Variants in CDH18 observed in about 807,000 individuals in gnomAD.
The protein encoded by CDH18 is cadherin-18.
Under a neutral mutation model 67.9 loss-of-function variants are expected in CDH18, and 31 were observed. That is an observed-to-expected ratio of 0.46 (90% CI 0.34 to 0.62). The LOEUF (loss-of-function observed/expected upper bound fraction) is 0.62, where lower values mean the gene tolerates loss of function less well. CDH18 is among the 20% of genes least tolerant of loss of function. CDH18 has a pLI of 0.01. For missense variants in CDH18, 890 were observed against 975.5 expected (o/e 0.91, Z 1.17); for synonymous variants, 362 against 347.2 (o/e 1.04, Z -0.48).
At chr5:20,501,303 A>G (rs553130533) in intron 1 of CDH18, among the ~76,000 whole-genome samples, 1 of 151,180 alleles carries the variant, frequency 6.6e-6, no homozygotes, top group Admixed American at 6.6e-5. Flanking sequence ...ATGGAACGTT[A>G]TTACACTAAC....
intron 3 of CDH18, among the ~76,000 whole-genome samples, chr5:19,828,053 C>A (rs1161636976): frequency 2.0e-5 from 3 of 151,970 alleles, no homozygotes; most frequent in Non-Finnish European, 4.4e-5. Flanking sequence ...TACCAATGAC[C>A]CCACAGAAAT....
intron 1 of CDH18, among the ~76,000 whole-genome samples, chr5:20,555,725 CAG>C (rs34456074): frequency 0.042 from 6,313 of 151,534 alleles, 419 homozygotes; most frequent in African/African-American, 0.14. Flanking sequence ...ACAACTGAGA[CAG>C]AGTTTCAAAT....
chr5:19,520,552 C>A, intron 10 of CDH18, 105 bp downstream of exon 10: 1 of 973,212 alleles, frequency 1.0e-6, no homozygotes, highest in Non-Finnish European at 1.4e-6. Context: ...CCACTGAGTA[C>A]AAAATTACAC....
At chr5:20,005,962 T>C (rs1323569249) in intron 2 of CDH18, among the ~76,000 whole-genome samples, 1 of 151,990 alleles carries the variant, frequency 6.6e-6, no homozygotes, top group Admixed American at 6.6e-5. Context: ...AGAGATAGAA[T>C]TCCTTATGGG....
At chr5:19,512,037 ACTTGG>A (rs1745209054) in intron 10 of CDH18, among the ~76,000 whole-genome samples, 1 of 152,122 alleles carries the variant, frequency 6.6e-6, no homozygotes, top group Admixed American at 6.5e-5. Flanking sequence ...TTTGTGCAGG[ACTTGG>A]TGCCCTGCAT....
chr5:19,551,148 C>A (rs182553309), intron 8 of CDH18, among the ~76,000 whole-genome samples: 1 of 152,078 alleles, frequency 6.6e-6, no homozygotes, highest in African/African-American at 2.4e-5. Flanking sequence ...AGAGCACAGA[C>A]TTTTAAAGAT....
At chr5:20,096,866 A>G (rs1345949378) in intron 2 of CDH18, among the ~76,000 whole-genome samples, 3 of 152,156 alleles carry the variant, frequency 2.0e-5, no homozygotes, top group Admixed American at 6.6e-5. Flanking sequence ...ACTAATTTAC[A>G]GGTAAATGGT....
At chr5:20,508,638 T>C (rs765291171) in intron 1 of CDH18, among the ~76,000 whole-genome samples, 5 of 151,854 alleles carry the variant, frequency 3.3e-5, no homozygotes, top group Non-Finnish European at 7.4e-5. Context: ...AACATGATCC[T>C]GTGTGTGGCA....
At chr5:19,980,393 A>C (rs1798917861) in intron 2 of CDH18, among the ~76,000 whole-genome samples, 1 of 151,930 alleles carries the variant, frequency 6.6e-6, no homozygotes, top group Admixed American at 6.6e-5. Flanking sequence ...AAAATTTTTA[A>C]GATGTTTTTT....
intron 3 of CDH18, among the ~76,000 whole-genome samples, chr5:19,751,693 T>C (rs1222466569): frequency 6.6e-6 from 1 of 152,254 alleles, no homozygotes; most frequent in African/African-American, 2.4e-5. Flanking sequence ...TGCTAACTGA[T>C]AATATATTAG....
At chr5:19,808,514 G>A (rs1196004288) in intron 3 of CDH18, among the ~76,000 whole-genome samples, 1 of 152,026 alleles carries the variant, frequency 6.6e-6, no homozygotes, top group Non-Finnish European at 1.5e-5. Context: ...TTTCCTTAAA[G>A]TAAATACCTG....
chr5:19,902,082 G>A (rs1376986244), intron 2 of CDH18, among the ~76,000 whole-genome samples: 1 of 152,188 alleles, frequency 6.6e-6, no homozygotes, highest in South Asian at 2.1e-4. Context: ...AAATGTGAGA[G>A]CAATACTGAC....
intron 1 of CDH18, among the ~76,000 whole-genome samples, chr5:20,309,985 AT>A (rs1247054676): frequency 6.6e-6 from 1 of 152,006 alleles, no homozygotes; most frequent in African/African-American, 2.4e-5. Context: ...ACATAAAAAA[AT>A]CTCACTAATA....
At chr5:19,659,391 T>G (rs946881007) in intron 5 of CDH18, among the ~76,000 whole-genome samples, 1 of 152,166 alleles carries the variant, frequency 6.6e-6, no homozygotes, top group Non-Finnish European at 1.5e-5. Context: ...AATTACTATA[T>G]GTGGATCTCA....
At chr5:20,491,419 G>A (rs1753577325) in intron 1 of CDH18, among the ~76,000 whole-genome samples, 1 of 152,126 alleles carries the variant, frequency 6.6e-6, no homozygotes, top group South Asian at 2.1e-4. Context: ...AGGTTCTCTA[G>A]AACCAATAGG....
chr5:20,537,968 A>G (rs1756823147), intron 1 of CDH18, among the ~76,000 whole-genome samples: 1 of 152,194 alleles, frequency 6.6e-6, no homozygotes, highest in African/African-American at 2.4e-5. Flanking sequence ...ATTTCCCAAC[A>G]GAGCGTAGAA....
chr5:19,747,846 C>A (rs554316977), intron 3 of CDH18, among the ~76,000 whole-genome samples: 1 of 151,522 alleles, frequency 6.6e-6, no homozygotes, highest in Admixed American at 6.6e-5. Context: ...CGGTGGTTCA[C>A]GCCTGTAATC....
chr5:19,587,227 C>T (rs948894291), intron 7 of CDH18, among the ~76,000 whole-genome samples: 1 of 152,030 alleles, frequency 6.6e-6, no homozygotes, highest in African/African-American at 2.4e-5. Context: ...TAGATTGGTA[C>T]AAAAGTAATT....
intron 2 of CDH18, among the ~76,000 whole-genome samples, chr5:20,091,628 G>A (rs1300260329): frequency 6.6e-6 from 1 of 151,962 alleles, no homozygotes; most frequent in African/African-American, 2.4e-5. Flanking sequence ...TTCATTCTGG[G>A]TCTCTTTGTT....
Sources: allele counts gnomAD v4.1 joint callset (sites outside exome capture counted in the v4.1 genomes callset), GRCh38; gene constraint gnomAD v4.1.1; transcripts MANE v1.5; gene names NCBI Gene and HGNC (gene_info 2026-07-23, HGNC 2026-07-21).